FAT3: variants seen among roughly 807,000 people sequenced by gnomAD.
FAT3 encodes FAT atypical cadherin 3.
Under a neutral mutation model 310.2 loss-of-function variants are expected in FAT3, and 95 were observed. That is an observed-to-expected ratio of 0.31 (90% CI 0.26 to 0.36). The LOEUF (loss-of-function observed/expected upper bound fraction) is 0.36, where lower values mean the gene tolerates loss of function less well. FAT3 is among the 10% of genes least tolerant of loss of function. The pLI is 1.00. For synonymous variants in FAT3, 2,314 were observed against 2,192.9 expected, an observed-to-expected ratio of 1.06 and a Z score of -1.54; for missense variants, 5,408 against 5,715.6, an observed-to-expected ratio of 0.95 and a Z score of 1.74.
intron 3 of FAT3, among the ~76,000 whole-genome samples, chr11:92,586,731 C>T (rs1939176040): frequency 6.6e-6 from 1 of 151,934 alleles, no homozygotes; most frequent in African/African-American, 2.4e-5. Flanking sequence ...CTGTTAATTG[C>T]AAATAATGAG....
intron 21 of FAT3, among the ~76,000 whole-genome samples, chr11:92,865,622 T>A (rs115763980): frequency 6.6e-6 from 1 of 152,210 alleles, no homozygotes; most frequent in Non-Finnish European, 1.5e-5. Context: ...CATGACCAAA[T>A]GTACACTTGT....
At chr11:92,626,675 G>T (rs1055942766) in intron 3 of FAT3, among the ~76,000 whole-genome samples, 5 of 152,074 alleles carry the variant, frequency 3.3e-5, no homozygotes, top group African/African-American at 7.2e-5. Flanking sequence ...AATGGAGAGG[G>T]TTTTCATGAG....
intron 2 of FAT3, among the ~76,000 whole-genome samples, chr11:92,377,276 A>G (rs1949373104): frequency 6.6e-6 from 1 of 152,244 alleles, no homozygotes; most frequent in African/African-American, 2.4e-5. Flanking sequence ...TAATAAAAAT[A>G]TCCAATGGGT....
rs7928696 is a variant in FAT3 at position 92,351,198 on chromosome 11, A to G, written c.-17-898A>G. Among the ~76,000 whole-genome samples, 251 of 152,284 alleles carry G rather than the reference A, an allele frequency of 1.6e-3. 1 individual carries two copies. Among genetic ancestry groups the G allele is most frequent in the African/African-American group, 5.9e-3 (244 of 41,574 alleles). The stretch of plus-strand genomic sequence containing the variant: ...AATAGTTCTGGATATCACTCCAGTC[A>G]TATAACTCCTTAGGGATTATTGTCT... On this transcript the variant is annotated intron_variant, in intron 1 of 27. Transcript: ENST00000525166.
chr11:92,590,456 C>G (rs1236502459), intron 3 of FAT3, among the ~76,000 whole-genome samples: 1 of 151,952 alleles, frequency 6.6e-6, no homozygotes, highest in African/African-American at 2.4e-5. Context: ...TAGGTAGAGG[C>G]CAAATTGTGG....
chr11:92,306,431 C>T (rs981985858), intron 1 of FAT3, among the ~76,000 whole-genome samples: 31 of 143,040 alleles, frequency 2.2e-4, no homozygotes, highest in Non-Finnish European at 3.5e-4. Context: ...AGTACCCTTC[C>T]CCCCATGAGC....
intron 24 of FAT3, among the ~76,000 whole-genome samples, chr11:92,884,485 T>C (rs1949754890): frequency 6.6e-6 from 1 of 152,146 alleles, no homozygotes; most frequent in African/African-American, 2.4e-5. Flanking sequence ...CAAATGGCTT[T>C]GTATCGCAGT....
rs533743420 is a variant in FAT3 at position 92,782,627 on chromosome 11, C to T, written c.4336-7316C>T. 1.5e-4 allele frequency among the ~76,000 whole-genome samples: 23 copies of T among 152,160 alleles called. 1 individual carries two copies. The highest frequency in any genetic ancestry group is 1.4e-3 in the Admixed American group (22 of 15,278). On this transcript the variant is annotated intron_variant, in intron 7 of 27. Transcript: ENST00000525166. ...CAGCTTGTATCTCTATGCTCCACAGCCAAACTTGAGATTAAAAAGCTCTTT... is the reference window on the plus strand; with the variant it reads ...CAGCTTGTATCTCTATGCTCCACAGTCAAACTTGAGATTAAAAAGCTCTTT...
chr11:92,293,550 AT>A lies in FAT3; in HGVS notation c.-17-58545del, dbSNP rs1412266582. Among the ~76,000 whole-genome samples, 47 of 17,122 alleles carry A rather than the reference AT, an allele frequency of 2.7e-3. No homozygotes were observed. In the Admixed American group the frequency reaches 0.028, roughly 10 times the overall value. 11.2% of individuals were successfully genotyped at this position (17,122 alleles called of 152,430 possible). On this transcript the variant is annotated intron_variant, in intron 1 of 27. Transcript: ENST00000525166. ...TATATATATATATATATATATATAT[AT>A]AAATAAAATATATTCCTTCCAATTT...
chr11:92,242,874 C>A (rs1590996340), intron 1 of FAT3, among the ~76,000 whole-genome samples: 1 of 151,908 alleles, frequency 6.6e-6, no homozygotes, highest in Admixed American at 6.6e-5. Flanking sequence ...TTGATCTATC[C>A]TGGCAATTCG....
intron 18 of FAT3, among the ~76,000 whole-genome samples, chr11:92,841,690 G>A (rs925112232): frequency 2.6e-5 from 4 of 152,156 alleles, no homozygotes; most frequent in Non-Finnish European, 4.4e-5. Flanking sequence ...TATCCTCTCC[G>A]GATATGGAGC....
At chr11:92,525,774 CA>C (rs1432226029) in intron 3 of FAT3, among the ~76,000 whole-genome samples, 2 of 152,024 alleles carry the variant, frequency 1.3e-5, no homozygotes, top group Admixed American at 1.3e-4. Flanking sequence ...GATATTGGTT[CA>C]AAAAGTTAGG....
intron 1 of FAT3, among the ~76,000 whole-genome samples, chr11:92,283,474 G>A (rs1946480913): frequency 6.6e-6 from 1 of 152,130 alleles, no homozygotes; most frequent in Non-Finnish European, 1.5e-5. Context: ...TAGATTCTCT[G>A]CTCATTAGTT....
intron 23 of FAT3, 129 bp downstream of exon 23, chr11:92,881,013 C>A (rs138479538): frequency 2.0e-6 from 2 of 1,003,648 alleles, no homozygotes; most frequent in East Asian, 4.9e-5. Context: ...CTGCACGATA[C>A]GTATAAGGAG....
At chr11:92,362,005 C>A (rs532874661) in intron 2 of FAT3, among the ~76,000 whole-genome samples, 2 of 152,366 alleles carry the variant, frequency 1.3e-5, no homozygotes, top group East Asian at 1.9e-4. Flanking sequence ...CTGCTTTAAA[C>A]AGATGGTCTC....
chr11:92,805,406 AC>A, intron 11 of FAT3, 57 bp downstream of exon 11: 1 of 1,512,822 alleles, frequency 6.6e-7, no homozygotes, highest in Non-Finnish European at 8.9e-7. Flanking sequence ...TAAAATAAAA[AC>A]CCATTTCACT....
chr11:92,808,296 CTG>C (rs1466245017), intron 12 of FAT3, among the ~76,000 whole-genome samples: 1 of 152,092 alleles, frequency 6.6e-6, no homozygotes, highest in Non-Finnish European at 1.5e-5. Context: ...GGAGCTATAT[CTG>C]GGCACAGATG....
intron 2 of FAT3, among the ~76,000 whole-genome samples, chr11:92,494,510 A>G (rs1952697298): frequency 6.6e-6 from 1 of 152,080 alleles, no homozygotes; most frequent in South Asian, 2.1e-4. Context: ...CACCATGTAT[A>G]AACTACATGT....
chr11:92,247,701 A>G (rs1170534798), intron 1 of FAT3, among the ~76,000 whole-genome samples: 1 of 148,416 alleles, frequency 6.7e-6, no homozygotes, highest in South Asian at 2.1e-4. Context: ...AAGTCTGCCT[A>G]TTGTAAGATG....
Sources: allele counts gnomAD v4.1 joint callset (sites outside exome capture counted in the v4.1 genomes callset), GRCh38; gene constraint gnomAD v4.1.1; transcripts MANE v1.5; gene names NCBI Gene and HGNC (gene_info 2026-07-23, HGNC 2026-07-21).